LYPLAL1: variants seen among roughly 807,000 people sequenced by gnomAD.
LYPLAL1 encodes the protein lysophospholipase like 1.
A neutral mutation model predicts 19.7 loss-of-function variants in LYPLAL1; 23 were observed. The ratio of observed to expected loss-of-function variants is 1.17; its 90% CI spans 0.84 to 1.65. LYPLAL1 has a LOEUF of 1.65. LYPLAL1 is among the 40% of genes most tolerant of loss of function. The pLI is 0.00. For synonymous variants in LYPLAL1, 119 were observed against 96.3 expected (o/e 1.24, Z -1.38); for missense variants, 355 against 279.4 (o/e 1.27, Z -1.93).
chr1:219,211,780 AT>A lies in LYPLAL1; in HGVS notation c.*57del. On this transcript the variant is annotated 3_prime_UTR_variant, in exon 5 of 5. Coordinates refer to ENST00000366928, the MANE Select transcript of LYPLAL1 (RefSeq NM_138794.5). ...AAGTGTAATGTCTTTGTGAAAAGTG[AT>A]TTTTACTGCCAAATTATAATGATAA... 8.7e-7 allele frequency: 1 copy of A among 1,147,046 alleles called. No homozygotes were observed. The highest frequency in any genetic ancestry group is 1.2e-6 in the Non-Finnish European group (1 of 809,182). 71.1% of individuals were successfully genotyped at this position (1,147,046 alleles called of 1,614,324 possible). A position where few individuals can be genotyped will look rare whatever the true frequency, so the allele number is the denominator to read the frequency against.
the LYPLAL1 span, among the ~76,000 whole-genome samples, chr1:219,241,251 T>C: frequency 6.7e-6 from 1 of 149,834 alleles, no homozygotes; most frequent in South Asian, 2.1e-4. Flanking sequence ...TCTTGGATCT[T>C]ACTATTTGGA....
intron 1 of LYPLAL1, among the ~76,000 whole-genome samples, chr1:219,177,772 T>C (rs1015461006): frequency 6.6e-6 from 1 of 152,228 alleles, no homozygotes. Flanking sequence ...CTACTTTTGC[T>C]CTCTTTCAAT....
intron 3 of LYPLAL1, among the ~76,000 whole-genome samples, chr1:219,195,881 G>A (rs1039282541): frequency 1.3e-5 from 2 of 151,918 alleles, no homozygotes; most frequent in Non-Finnish European, 2.9e-5. Context: ...TGTGTTATTT[G>A]CCTCTCTGTG....
At chr1:219,355,981 C>G in the LYPLAL1 span, among the ~76,000 whole-genome samples, 1 of 152,122 alleles carries the variant, frequency 6.6e-6, no homozygotes, top group Admixed American at 6.6e-5. Context: ...TGTTTCATCT[C>G]AAGCCTTCTT....
chr1:219,331,964 G>A, the LYPLAL1 span, among the ~76,000 whole-genome samples: 2 of 152,160 alleles, frequency 1.3e-5, no homozygotes, highest in African/African-American at 4.8e-5. Context: ...ATGCTAGGTT[G>A]CATAGAATGC....
the LYPLAL1 span, among the ~76,000 whole-genome samples, chr1:219,241,797 A>G: frequency 6.6e-6 from 1 of 152,318 alleles, no homozygotes; most frequent in Admixed American, 6.5e-5. Context: ...TTTCAGAAAC[A>G]GAGTTTGGAG....
the LYPLAL1 span, among the ~76,000 whole-genome samples, chr1:219,430,656 T>C: frequency 6.6e-6 from 1 of 152,184 alleles, no homozygotes; most frequent in Non-Finnish European, 1.5e-5. Flanking sequence ...TGATTGCCCT[T>C]GGTTTGTGGC....
chr1:219,390,975 C>T, the LYPLAL1 span, among the ~76,000 whole-genome samples: 2 of 152,224 alleles, frequency 1.3e-5, no homozygotes, highest in Non-Finnish European at 2.9e-5. Flanking sequence ...AATGGGATGA[C>T]TGAAACACCT....
chr1:219,227,778 T>C, the LYPLAL1 span, among the ~76,000 whole-genome samples: 2 of 152,260 alleles, frequency 1.3e-5, no homozygotes, highest in African/African-American at 4.8e-5. Flanking sequence ...CGGAGAACAG[T>C]ATATGTTTAA....
At chr1:219,205,869 A>G (rs1658533309) in intron 3 of LYPLAL1, among the ~76,000 whole-genome samples, 1 of 152,218 alleles carries the variant, frequency 6.6e-6, no homozygotes, top group African/African-American at 2.4e-5. Context: ...AAGGCTCTGG[A>G]CTGTTGTTCT....
At chr1:219,205,387 A>G (rs1005813307) in intron 3 of LYPLAL1, among the ~76,000 whole-genome samples, 1 of 151,780 alleles carries the variant, frequency 6.6e-6, no homozygotes, top group Non-Finnish European at 1.5e-5. Context: ...AACAAAAAAA[A>G]CAAAAGCACT....
At chr1:219,262,156 G>A in the LYPLAL1 span, among the ~76,000 whole-genome samples, 6 of 151,962 alleles carry the variant, frequency 3.9e-5, no homozygotes, top group Non-Finnish European at 7.4e-5. Context: ...ACTTTCTGGT[G>A]TAATTTGTAT....
At chr1:219,373,956 CAAAAGGA>C in the LYPLAL1 span, among the ~76,000 whole-genome samples, 1 of 151,270 alleles carries the variant, frequency 6.6e-6, no homozygotes, top group South Asian at 2.1e-4. Context: ...ACCAAACCTC[CAAAAGGA>C]AAAAGGAAGA....
the LYPLAL1 span, among the ~76,000 whole-genome samples, chr1:219,356,384 C>T: frequency 2.0e-5 from 3 of 152,080 alleles, no homozygotes; most frequent in African/African-American, 2.4e-5. Flanking sequence ...CCTGTAGTCC[C>T]AGCTACTTGG....
rs1299966201 is a variant in LYPLAL1, at chr1:219,193,065, G to C, written c.192-17G>C. On this transcript the variant is annotated splice_polypyrimidine_tract_variant and intron_variant, in intron 2 of 4. Coordinates refer to ENST00000366928, the MANE Select transcript of LYPLAL1 (RefSeq NM_138794.5). ...TTTTCCTTTCTTTTTTTTTGGGGGG[G>C]GGCGGTTGTTAAACAGATCATATAC... 1 of 1,516,950 alleles carries C rather than the reference G, an allele frequency of 6.6e-7. No homozygotes were observed. Among genetic ancestry groups the C allele is most frequent in the South Asian group, 1.3e-5 (1 of 77,868 alleles). The allele number at this position is 1,516,950 out of a possible 1,614,324, so 94.0% of individuals were successfully genotyped here. A position where few individuals can be genotyped will look rare whatever the true frequency, so the allele number is the denominator to read the frequency against.
At chr1:219,336,137 C>A in the LYPLAL1 span, among the ~76,000 whole-genome samples, 2 of 151,472 alleles carry the variant, frequency 1.3e-5, no homozygotes, top group African/African-American at 4.8e-5. Context: ...CAAAGTGTAT[C>A]TTTGATGTCC....
At chr1:219,309,135 C>A in the LYPLAL1 span, among the ~76,000 whole-genome samples, 1 of 152,124 alleles carries the variant, frequency 6.6e-6, no homozygotes, top group Non-Finnish European at 1.5e-5. Flanking sequence ...TTGACTGCCC[C>A]ACTGGATTTG....
At chr1:219,381,541 T>G in the LYPLAL1 span, among the ~76,000 whole-genome samples, 3 of 152,186 alleles carry the variant, frequency 2.0e-5, no homozygotes, top group African/African-American at 7.2e-5. Context: ...TTTCTTCACA[T>G]TCCTGACACA....
the LYPLAL1 span, among the ~76,000 whole-genome samples, chr1:219,412,316 T>C: frequency 7.2e-5 from 11 of 152,188 alleles, no homozygotes; most frequent in Admixed American, 2.6e-4. Context: ...TATGAGCCAC[T>C]GCACCAAGCC....
Sources: gnomAD v4.1 joint callset for allele counts (sites outside exome capture counted in the v4.1 genomes callset) on GRCh38, gnomAD v4.1.1 for gene constraint, MANE v1.5 for transcripts, NCBI Gene and HGNC (gene_info 2026-07-23, HGNC 2026-07-21) for gene names.